ATM: variants seen among roughly 807,000 people sequenced by gnomAD.
The protein encoded by ATM is ATM serine/threonine kinase.
ATM carries 308 observed loss-of-function variants against 387.0 expected under a neutral mutation model. That is an observed-to-expected ratio of 0.80 (90% CI 0.73 to 0.87). The LOEUF is 0.87. ATM is among the 40% of genes least tolerant of loss of function. The pLI is 0.00. For synonymous variants in ATM, 1,156 were observed against 1,187.3 expected (o/e 0.97, Z 0.54); for missense variants, 3,312 against 3,560.9 (o/e 0.93, Z 1.78).
At chr11:108,278,954 A>C (rs993368584) in intron 22 of ATM, among the ~76,000 whole-genome samples, 6 of 152,236 alleles carry the variant, frequency 3.9e-5, no homozygotes, top group African/African-American at 1.4e-4. Flanking sequence ...ATAAACAATT[A>C]TAAAAGCTTC....
At chr11:108,268,352 G>C (rs1023643960) in intron 17 of ATM, 58 bp from the exon 18 acceptor site, 2 of 1,498,682 alleles carry the variant, frequency 1.3e-6, no homozygotes, top group African/African-American at 2.8e-5. Context: ...GAGTTAATAT[G>C]ACTATATATG....
chr11:108,364,084 C>T (rs897613565), intron 61 of ATM, among the ~76,000 whole-genome samples: 2 of 152,066 alleles, frequency 1.3e-5, no homozygotes, highest in African/African-American at 4.8e-5. Flanking sequence ...CTGGAGGACA[C>T]TCAAAACAGC....
intron 18 of ATM, among the ~76,000 whole-genome samples, chr11:108,270,691 A>G (rs1189489759): frequency 1.3e-5 from 2 of 151,960 alleles, no homozygotes; most frequent in Middle Eastern, 3.4e-3. Context: ...TTATGTTTAT[A>G]TACTTAAAAA....
rs566968567 is a variant in ATM at position 108,279,030 on chromosome 11, G to A, written c.3285-461G>A. On this transcript the variant is annotated intron_variant, in intron 22 of 62. Coordinates refer to ENST00000675843, the MANE Select transcript of ATM (RefSeq NM_000051.4). ...TTATCCTTAAATATGTGGGTGTTAC[G>A]CAAAAGGTGTACTGATCAACTTTTT... Among the ~76,000 whole-genome samples, 12 of 152,258 alleles carry A rather than the reference G, an allele frequency of 7.9e-5. No homozygotes were observed. In the South Asian group the frequency reaches 1.7e-3, roughly 21 times the overall value.
chr11:108,284,414 A>AG lies in ATM; in HGVS notation c.3935dup (p.Glu1313ArgfsTer8), dbSNP rs876659672. On this transcript the variant is annotated frameshift_variant, in exon 26 of 63. Transcript: ENST00000675843. LOFTEE classifies it high-confidence loss of function. ...CAGAGACAGTGGGATGGCACAGCAAAGAGAGACTGCTACCAAGGTCTATGA... is the reference window on the plus strand; with the variant it reads ...CAGAGACAGTGGGATGGCACAGCAAAGGAGAGACTGCTACCAAGGTCTATGA... The AG allele has an allele frequency of 6.2e-7, 1 of 1,614,020 alleles. No homozygotes were observed.
chr11:108,299,775 A>G lies in ATM; in HGVS notation c.5067A>G (p.Gln1689=), dbSNP rs1555104621. ...GPIDFSTIAI[Q]HSKDASYTKA... ...TAGATTTCTCTACCATAGCTATACA[A>G]CATAGTAAAGATGCATCTTATACCA... Residue 1689 remains glutamine (Q), a synonymous_variant, in exon 34 of 63, where the codon CAA becomes CAG. Coordinates refer to ENST00000675843, the MANE Select transcript of ATM (RefSeq NM_000051.4). The G allele has an allele frequency of 1.2e-6, 2 of 1,614,020 alleles. No individual in the cohort carries two copies. Among genetic ancestry groups the G allele is most frequent in the Non-Finnish European group, 1.7e-6 (2 of 1,179,944 alleles).
At position 108,301,662 on chromosome 11, in the gene ATM, C is replaced by T. The variant is rs886039627; in HGVS notation, c.5192C>T (p.Ser1731Leu). The T allele has an allele frequency of 6.2e-7, 1 of 1,613,532 alleles. No homozygotes were observed. Among genetic ancestry groups the T allele is most frequent in the Non-Finnish European group, 8.5e-7 (1 of 1,179,700 alleles). Residue 1731 changes from serine to leucine, a missense_variant, in exon 35 of 63, where the codon TCA (serine) becomes TTA (leucine). Physicochemically the swap from Ser to Leu is moderately radical, Grantham distance 145. Coordinates refer to ENST00000675843, the MANE Select transcript of ATM (RefSeq NM_000051.4). ...TLVEDCVKVR[S>L]AAVTCLKNIL... Reference sequence around the variant, plus strand: ...GTTTTTTTCAGTGTCAAAGTTCGATCAGCAGCTGTTACCTGTTTGAAAAAC... The same window carrying T: ...GTTTTTTTCAGTGTCAAAGTTCGATTAGCAGCTGTTACCTGTTTGAAAAAC...
rs761491947 is a variant in ATM at position 108,253,818 on chromosome 11, C to T, written c.1903C>T (p.His635Tyr). ...AAAGATCTTACTTTCTTGAAGTGAA[C>T]ACCACCAAAAAGATAAAGAAGAACT... ...NFFQSVPECE[H>Y]HQKDKEELSF... The change falls in exon 13 of 63, where the codon CAC becomes TAC. Residue 635 changes from histidine (H) to tyrosine (Y), a missense_variant. Physicochemically the swap from His to Tyr is moderately conservative, Grantham distance 83 (BLOSUM62 2). Around this residue, in one of 4 missense-constraint regions of ATM, gnomAD observed 1,791 missense variants for 1,804.5 expected, o/e 0.99. Transcript: ENST00000675843. 1.9e-6 allele frequency: 3 copies of T among 1,612,564 alleles called. No individual in the cohort carries two copies. The East Asian group carries it at 6.7e-5, about 36-fold the overall frequency.
At chr11:108,233,881 C>T (rs1565353914) in intron 4 of ATM, among the ~76,000 whole-genome samples, 1 of 152,094 alleles carries the variant, frequency 6.6e-6, no homozygotes, top group Non-Finnish European at 1.5e-5. Flanking sequence ...AAAAAGTCAA[C>T]ATTTCTTGAA....
intron 37 of ATM, among the ~76,000 whole-genome samples, chr11:108,305,075 C>T (rs1271076435): frequency 6.6e-6 from 1 of 152,152 alleles, no homozygotes; most frequent in Non-Finnish European, 1.5e-5. Flanking sequence ...GTATAGTATT[C>T]CCTCAGTACA....
intron 55 of ATM, chr11:108,335,317 G>T: frequency 6.9e-7 from 1 of 1,445,546 alleles, no homozygotes; most frequent in Non-Finnish European, 9.2e-7. Flanking sequence ...TTATTATATG[G>T]TTGATTCAAG....
chr11:108,250,794 A>C lies in ATM; in HGVS notation c.1329A>C (p.Leu443=), dbSNP rs201460863. 6 of 1,613,180 alleles carry C rather than the reference A, an allele frequency of 3.7e-6. No homozygotes were observed. In the Admixed American group the frequency reaches 5.0e-5, roughly 13 times the overall value. ...SPLLMILSQL[L]PQQRHGERTP... ...TACTGATGATACTATCTCAGCTTCT[A>C]CCCCAACAGCGACATGGGGAACGTA... Residue 443 remains leucine, a synonymous_variant, in exon 10 of 63, where the codon CTA becomes CTC. Coordinates refer to ENST00000675843, the MANE Select transcript of ATM (RefSeq NM_000051.4).
At chr11:108,289,865 C>G in intron 29 of ATM, 64 bp downstream of exon 29, 1 of 1,515,990 alleles carries the variant, frequency 6.6e-7, no homozygotes, top group Non-Finnish European at 9.0e-7. Context: ...TGTTTTTTTG[C>G]TTTGTTTTGT....
rs1196300197 is a variant in ATM at position 108,243,620 on chromosome 11, A to G, written c.497-333A>G. ...AGAGCAAGATTCTGTCTCAAAAAACAGAAGAAAGAAAAACCCATGGAGCAT... is the reference window on the plus strand; with the variant it reads ...AGAGCAAGATTCTGTCTCAAAAAACGGAAGAAAGAAAAACCCATGGAGCAT... On this transcript the variant is annotated intron_variant, in intron 5 of 62. Coordinates refer to ENST00000675843, the MANE Select transcript of ATM (RefSeq NM_000051.4). Among the ~76,000 whole-genome samples, 3 of 152,192 alleles carry G rather than the reference A, an allele frequency of 2.0e-5. No individual in the cohort carries two copies. In the East Asian group the frequency reaches 5.8e-4, roughly 29 times the overall value.
Position 108,299,883 on chromosome 11 carries a change from T to C in ATM, c.5175T>C (p.Asp1725=), listed in dbSNP as rs1555104803. The change falls in exon 34 of 63, where the codon GAT becomes GAC. Residue 1725 remains aspartate, a splice_region_variant and synonymous_variant. Coordinates refer to ENST00000675843, the MANE Select transcript of ATM (RefSeq NM_000051.4). ...LTYLNNTLVE[D]CVKVRSAAVT... ...ACCTGAATAACACACTGGTAGAAGA[T>C]TGGTGAGTATTTATTGATACCTTAT... 1.9e-6 allele frequency: 3 copies of C among 1,612,994 alleles called. No homozygotes were observed. Among genetic ancestry groups the C allele is most frequent in the African/African-American group, 1.3e-5 (1 of 75,016 alleles).
Position 108,272,714 on chromosome 11 carries a change from T to C in ATM, c.3154-8T>C, listed in dbSNP as rs2135569406. ...ATTTCATATTTAACCACAGTTCTTTTCCCGTAGGCTGATCCTTATTCAAAA... is the reference window on the plus strand; with the variant it reads ...ATTTCATATTTAACCACAGTTCTTTCCCCGTAGGCTGATCCTTATTCAAAA... On this transcript the variant is annotated splice_region_variant and splice_polypyrimidine_tract_variant and intron_variant, in intron 21 of 62. Coordinates refer to ENST00000675843, the MANE Select transcript of ATM (RefSeq NM_000051.4). 6.2e-7 allele frequency: 1 copy of C among 1,613,994 alleles called. No individual in the cohort carries two copies. The highest frequency in any genetic ancestry group is 1.3e-5 in the African/African-American group (1 of 75,060).
At chr11:108,357,536 A>G (rs1221491579) in intron 61 of ATM, among the ~76,000 whole-genome samples, 1 of 152,086 alleles carries the variant, frequency 6.6e-6, no homozygotes, top group Non-Finnish European at 1.5e-5. Flanking sequence ...TGCAGACTTA[A>G]ATGTCCCTGT....
intron 22 of ATM, among the ~76,000 whole-genome samples, chr11:108,279,105 C>T (rs1043907108): frequency 1.3e-5 from 2 of 152,130 alleles, no homozygotes; most frequent in African/African-American, 4.8e-5. Flanking sequence ...ATTAACTTAC[C>T]CGCTTTCAGA....
At chr11:108,253,582 T>C (rs1272860736) in intron 12 of ATM, among the ~76,000 whole-genome samples, 2 of 152,120 alleles carry the variant, frequency 1.3e-5, no homozygotes, top group Non-Finnish European at 2.9e-5. Flanking sequence ...GTAACTTGTA[T>C]TTTTTCTCTA....
Sources: allele counts gnomAD v4.1 joint callset (sites outside exome capture counted in the v4.1 genomes callset), GRCh38; gene constraint gnomAD v4.1.1; regional missense constraint gnomAD v4.1.1; transcripts MANE v1.5; gene names NCBI Gene and HGNC (gene_info 2026-07-23, HGNC 2026-07-21).